Variants in MCF2L observed in about 807,000 individuals in gnomAD.
MCF2L encodes MCF.2 cell line derived transforming sequence like, also known as guanine nucleotide exchange factor DBS.
Under a neutral mutation model 153.4 loss-of-function variants are expected in MCF2L, and 97 were observed. That is an observed-to-expected ratio of 0.63 (90% CI 0.54 to 0.75). The LOEUF (loss-of-function observed/expected upper bound fraction) is 0.75. Ranked by LOEUF, MCF2L falls within the 30% of genes least tolerant of loss-of-function variation. The pLI is 0.00. For synonymous variants in MCF2L, 659 were observed against 632.2 expected, an observed-to-expected ratio of 1.04 and a Z score of -0.64; for missense variants, 1,347 against 1,495.2, an observed-to-expected ratio of 0.90 and a Z score of 1.64.
chr13:113,030,773 C>T (rs764506918), intron 3 of MCF2L, among the ~76,000 whole-genome samples: 5 of 152,190 alleles, frequency 3.3e-5, no homozygotes, highest in East Asian at 1.9e-4. Context: ...CTCAGAGAGG[C>T]GATAGAGACC....
rs1454214415 is a variant in MCF2L, at chr13:113,054,845, C to T, written c.370-5748C>T. The T allele has an allele frequency of 6.6e-6, 1 of 152,170 alleles. No individual in the cohort carries two copies. The highest frequency in any genetic ancestry group is 1.5e-5 in the Non-Finnish European group (1 of 68,034). The allele number at this position is 152,170 out of a possible 1,614,324, so 9.4% of individuals were successfully genotyped here. On this transcript the variant is annotated intron_variant, in intron 4 of 29. Coordinates refer to ENST00000535094, the MANE Select transcript of MCF2L (RefSeq NM_001112732.3). This position sits in a 1 kb window ranked among gnomAD's most constrained non-coding sequence, Gnocchi z 5.2. ...AAACCAGTGAACTCTTTTTCTATCT[C>T]CAGACTACAGTGCTGTGGTCATCAC...
chr13:113,089,842 A>G (rs746581965), intron 26 of MCF2L, 114 bp downstream of exon 26: 2 of 1,612,270 alleles, frequency 1.2e-6, no homozygotes, highest in South Asian at 2.2e-5. Flanking sequence ...AGCTTTGCAG[A>G]GCATTCAGGG....
chr13:112,997,031 C>T (rs7988674), intron 1 of MCF2L, among the ~76,000 whole-genome samples: 35,235 of 152,254 alleles, frequency 0.23, 5,115 homozygotes, highest in Non-Finnish European at 0.32. Context: ...CTGCCAGCCC[C>T]GGGCCGCCCT....
intron 1 of MCF2L, among the ~76,000 whole-genome samples, chr13:113,003,545 C>T (rs1023371724): frequency 2.6e-5 from 4 of 152,012 alleles, no homozygotes; most frequent in Non-Finnish European, 5.9e-5. Context: ...CTGGGTGCCC[C>T]CTGGTTTTGC....
intron 1 of MCF2L, among the ~76,000 whole-genome samples, chr13:112,980,628 G>GCTGCCTTCCCCTTTCCC (rs2082376235): frequency 2.0e-5 from 2 of 100,440 alleles, no homozygotes; most frequent in South Asian, 4.0e-4. Context: ...CTCTCAGGCT[G>GCTGCCTTCCCCTTTCCC]CCGCCTTCCC....
intron 8 of MCF2L, 151 bp from the exon 9 acceptor site, chr13:113,069,908 C>T (rs2032708360): frequency 5.7e-6 from 3 of 524,462 alleles, no homozygotes; most frequent in Admixed American, 4.0e-5. Flanking sequence ...CCCGCAGATC[C>T]CAGGTTTAGG....
intron 3 of MCF2L, among the ~76,000 whole-genome samples, chr13:113,034,298 G>A (rs1275157081): frequency 6.6e-5 from 10 of 152,028 alleles, no homozygotes; most frequent in East Asian, 5.8e-4. Context: ...CACCACGCCC[G>A]GCTAATTTTT....
At chr13:112,924,216 C>T (rs939586132) in intron 2 of MCF2L, among the ~76,000 whole-genome samples, 2 of 152,060 alleles carry the variant, frequency 1.3e-5, no homozygotes, top group Non-Finnish European at 2.9e-5. Context: ...GTGAAGCTCC[C>T]CACAACCCCC....
intron 18 of MCF2L, among the ~76,000 whole-genome samples, chr13:113,084,313 A>G (rs988975506): frequency 2.0e-5 from 3 of 149,474 alleles, no homozygotes; most frequent in African/African-American, 7.5e-5. Flanking sequence ...CCTGTACCCC[A>G]GGACCTCCTG....
chr13:113,006,903 G>A (rs1442334613), intron 1 of MCF2L, among the ~76,000 whole-genome samples: 1 of 152,194 alleles, frequency 6.6e-6, no homozygotes, highest in Non-Finnish European at 1.5e-5. Flanking sequence ...CGGAGCCATG[G>A]GTACTGTGTA....
intron 2 of MCF2L, among the ~76,000 whole-genome samples, chr13:112,929,003 C>G (rs1177513208): frequency 1.3e-5 from 2 of 152,200 alleles, no homozygotes; most frequent in African/African-American, 4.8e-5. Context: ...ATGTTAGAGC[C>G]AGGACGTGCC....
chr13:112,917,496 G>A (rs971718316), intron 2 of MCF2L: 2 of 307,860 alleles, frequency 6.5e-6, no homozygotes, highest in Admixed American at 4.6e-5. Flanking sequence ...CCGCCGTCTC[G>A]CAGAACAGCA....
chr13:113,096,209 G>T (rs991336161), intron 27 of MCF2L, 162 bp from the exon 28 acceptor site: 5 of 630,648 alleles, frequency 7.9e-6, no homozygotes, highest in South Asian at 1.9e-5. Context: ...ATGCCCTGCG[G>T]CGTAGCCTCC....
Position 113,092,446 on chromosome 13 carries a change from T to C in MCF2L, c.2954-2068T>C, listed in dbSNP as rs561977461. On this transcript the variant is annotated intron_variant, in intron 26 of 29. Transcript: ENST00000535094. ...GTGGTGTCGAAGCCGGGCCACTGCC[T>C]GTGGGTCATTTCCACCGTGGCCAGT... Among the ~76,000 whole-genome samples the C allele has an allele frequency of 1.6e-3, 224 of 141,790 alleles. 1 individual carries two copies. The highest frequency in any genetic ancestry group is 5.0e-3 in the African/African-American group (199 of 39,830). The allele number at this position is 141,790 out of a possible 152,430, so 93.0% of individuals were successfully genotyped here.
intron 1 of MCF2L, among the ~76,000 whole-genome samples, chr13:112,997,187 G>T (rs1038282751): frequency 3.3e-5 from 5 of 152,194 alleles, no homozygotes; most frequent in African/African-American, 1.2e-4. Flanking sequence ...CGAGAGCCTC[G>T]GGTGAGTCTT....
chr13:112,910,049 A>G (rs912045203), intron 2 of MCF2L: 4 of 152,278 alleles, frequency 2.6e-5, no homozygotes, highest in Non-Finnish European at 4.4e-5. Context: ...CAAAGGATAG[A>G]TATTTATCTA....
rs2035721695 is a variant in MCF2L, at chr13:113,096,937, G to A, written c.*78G>A. 9.4e-7 allele frequency: 1 copy of A among 1,068,824 alleles called. No homozygotes were observed. The highest frequency in any genetic ancestry group is 1.7e-5 in the African/African-American group (1 of 59,730). The allele number at this position is 1,068,824 out of a possible 1,614,324, so 66.2% of individuals were successfully genotyped here. A position where few individuals can be genotyped will look rare whatever the true frequency, so the allele number is the denominator to read the frequency against. ...GGAGGGCGCGGCCCCCGGACGCCCC[G>A]AGGAAGGGGCACCTCACCGCCCCCA... On this transcript the variant is annotated 3_prime_UTR_variant, in exon 30 of 30. Transcript: ENST00000535094.
At chr13:112,911,017 C>A (rs940929557) in intron 2 of MCF2L, among the ~76,000 whole-genome samples, 1 of 10,944 alleles carries the variant, frequency 9.1e-5, no homozygotes. Context: ...GGGGGCGGGG[C>A]GGGGGTGGGG....
chr13:113,090,715 T>C, intron 26 of MCF2L: 2 of 985,494 alleles, frequency 2.0e-6, no homozygotes, highest in Non-Finnish European at 2.4e-6. Context: ...TGGGAAGCCC[T>C]GAAGGCCAGC....
Sources: allele counts gnomAD v4.1 joint callset (sites outside exome capture counted in the v4.1 genomes callset), GRCh38; gene constraint gnomAD v4.1.1; non-coding constraint Gnocchi (gnomAD v3.1); transcripts MANE v1.5; gene names NCBI Gene and HGNC (gene_info 2026-07-23, HGNC 2026-07-21).